CABLES2: variants seen among roughly 807,000 people sequenced by gnomAD.
CABLES2 encodes the protein CDK5 and ABL1 enzyme substrate 2.
CABLES2 carries 35 observed loss-of-function variants against 44.8 expected under a neutral mutation model. That is an observed-to-expected ratio of 0.78 (90% CI 0.60 to 1.04). CABLES2 has a LOEUF of 1.04. Among genes scored for constraint, CABLES2 ranks in the 50% least tolerant of loss-of-function variants. CABLES2 has a pLI of 0.00. For missense variants in CABLES2, 566 were observed against 615.7 expected (o/e 0.92, Z 0.85); for synonymous variants, 282 against 281.1 (o/e 1.00, Z -0.03).
In CABLES2 at chr20:62,391,406, G is replaced by A. The variant is rs766614146; in HGVS notation, c.1139C>T (p.Pro380Leu). 6.2e-7 allele frequency: 1 copy of A among 1,613,334 alleles called. No homozygotes were observed. The highest frequency in any genetic ancestry group is 1.7e-5 in the Admixed American group (1 of 60,026). The change falls in exon 9 of 10, where the codon CCC becomes CTC. Residue 380 changes from proline (P) to leucine (L), a missense_variant. Transcript: ENST00000279101. This position sits in a 1 kb window ranked among gnomAD's most constrained non-coding sequence, Gnocchi z 5.7. ...RSLSEECSLE[P>L]VTVAMAYVYF... Reference sequence around the variant, plus strand: ...CACGTAGGCCATGGCCACCGTCACGGGCTCCAGGCTGCACTCCTCCGACAG... The same window carrying A: ...CACGTAGGCCATGGCCACCGTCACGAGCTCCAGGCTGCACTCCTCCGACAG...
intron 1 of CABLES2, chr20:62,405,076 C>A (rs941870598): frequency 1.3e-5 from 2 of 152,426 alleles, no homozygotes; most frequent in Non-Finnish European, 2.9e-5. Flanking sequence ...CTGGTGCACA[C>A]AGGGGTGCAT....
At chr20:62,392,865 G>A (rs1277156595) in intron 7 of CABLES2, 55 bp downstream of exon 7, 47 of 1,516,888 alleles carry the variant, frequency 3.1e-5, no homozygotes, top group East Asian at 4.5e-5. Context: ...CACACGCCCC[G>A]AGCCAGGACA....
chr20:62,393,298 C>G lies in CABLES2; in HGVS notation c.880+142G>C, dbSNP rs1601472070. The G allele has an allele frequency of 4.0e-6, 4 of 999,632 alleles. No homozygotes were observed. The East Asian group carries it at 9.7e-5, about 24-fold the overall frequency. 61.9% of individuals were successfully genotyped at this position (999,632 alleles called of 1,614,324 possible). On this transcript the variant is annotated intron_variant, in intron 6 of 9. Coordinates refer to ENST00000279101, the MANE Select transcript of CABLES2 (RefSeq NM_031215.3). ...AGCGATTCAGTGTGGAGCTGTTCCT[C>G]TCCTGACCCTGTTCCCCAGGCTCCA...
chr20:62,391,377 A>C lies in CABLES2; in HGVS notation c.1168T>G (p.Phe390Val). The change falls in exon 9 of 10, where the codon TTT becomes GTT. Residue 390 changes from phenylalanine to valine, a missense_variant. Around this residue, in one of 2 missense-constraint regions of CABLES2, gnomAD observed 436 missense variants for 536.3 expected, o/e 0.81. Coordinates refer to ENST00000279101, the MANE Select transcript of CABLES2 (RefSeq NM_031215.3). The surrounding 1 kb of genome is among the most constrained non-coding windows in gnomAD (Gnocchi z 5.7). Reference sequence around the variant, plus strand: ...TTGCCCTGCAGGACCAGCTTCTCAAAGTACACGTAGGCCATGGCCACCGTC... The same window carrying C: ...TTGCCCTGCAGGACCAGCTTCTCAACGTACACGTAGGCCATGGCCACCGTC... Reference protein sequence around the residue: ...PVTVAMAYVYFEKLVLQGKLS... With the variant: ...PVTVAMAYVYVEKLVLQGKLS... The C allele has an allele frequency of 6.2e-7, 1 of 1,613,464 alleles. No individual in the cohort carries two copies. Among genetic ancestry groups the C allele is most frequent in the Admixed American group, 1.7e-5 (1 of 60,030 alleles).
intron 6 of CABLES2, 64 bp downstream of exon 6, chr20:62,393,376 C>A (rs1459090995): frequency 6.7e-7 from 1 of 1,496,410 alleles, no homozygotes; most frequent in Non-Finnish European, 9.0e-7. Context: ...GCTGCAGTCC[C>A]TGGGCCGTGG....
chr20:62,397,927 T>TGGTGGTGGTGATGGC (rs146308567), intron 1 of CABLES2, among the ~76,000 whole-genome samples: 36,706 of 99,770 alleles, frequency 0.37, 8,064 homozygotes, highest in East Asian at 0.82. Context: ...GTGGTGATGG[T>TGGTGGTGGTGATGGC]GGTGGTGGTG....
At position 62,391,337 on chromosome 20, in the gene CABLES2, TTC is replaced by T; in HGVS notation, c.1206_1207del (p.Asn403ProfsTer18). On this transcript the variant is annotated frameshift_variant, in exon 9 of 10. Coordinates refer to ENST00000279101, the MANE Select transcript of CABLES2 (RefSeq NM_031215.3). LOFTEE classifies it high-confidence loss of function. This position sits in a 1 kb window ranked among gnomAD's most constrained non-coding sequence, Gnocchi z 5.7. ...GCAGGCGCCAGCGCACAGCTTGCGG[TTC>T]TGTTTGCTGAGCTTGCCCTGCAGGA... 6.2e-7 allele frequency: 1 copy of T among 1,613,382 alleles called. No individual in the cohort carries two copies. Among genetic ancestry groups the T allele is most frequent in the Non-Finnish European group, 8.5e-7 (1 of 1,180,022 alleles).
intron 1 of CABLES2, among the ~76,000 whole-genome samples, chr20:62,399,529 G>A (rs2146426542): frequency 6.7e-6 from 1 of 148,884 alleles, no homozygotes; most frequent in Non-Finnish European, 1.5e-5. Flanking sequence ...TTACAGGCGT[G>A]AGCCACCACG....
At chr20:62,397,791 T>C (rs1388870529) in intron 1 of CABLES2, among the ~76,000 whole-genome samples, 1 of 151,666 alleles carries the variant, frequency 6.6e-6, no homozygotes, top group Non-Finnish European at 1.5e-5. Flanking sequence ...ACCACTCCAA[T>C]TGCGATGACA....
intron 1 of CABLES2, among the ~76,000 whole-genome samples, chr20:62,398,956 T>C (rs1988137081): frequency 6.6e-6 from 1 of 152,262 alleles, no homozygotes; most frequent in Non-Finnish European, 1.5e-5. Context: ...GTCATTTTTT[T>C]CTTTTTTTGA....
At position 62,394,830 on chromosome 20, in the gene CABLES2, G is replaced by T. The variant is rs2427309; in HGVS notation, c.605+107C>A. ...GCCTCGCATGAGCCCGGGGGCAGCCGCACCTGGGGGCGCAGTGCCCGCTGA... is the reference window on the plus strand; with the variant it reads ...GCCTCGCATGAGCCCGGGGGCAGCCTCACCTGGGGGCGCAGTGCCCGCTGA... On this transcript the variant is annotated intron_variant, in intron 4 of 9. Transcript: ENST00000279101. The T allele has an allele frequency of 0.56, 552,329 of 979,408 alleles. 164,602 individuals carry two copies. Among genetic ancestry groups the T allele is most frequent in the African/African-American group, 0.92 (55,754 of 60,820 alleles). 60.7% of individuals were successfully genotyped at this position (979,408 alleles called of 1,614,324 possible).
intron 1 of CABLES2, among the ~76,000 whole-genome samples, chr20:62,397,971 ACAGTGGTGATGGCGGTGG>A (rs1988061981): frequency 3.3e-5 from 2 of 60,126 alleles, no homozygotes; most frequent in South Asian, 1.4e-3. Flanking sequence ...GATGGTGGTG[ACAGTGGTGATGGCGGTGG>A]TGGTGATGAT....
In CABLES2 at chr20:62,396,420, G is replaced by T; in HGVS notation, c.435-13C>A. On this transcript the variant is annotated splice_polypyrimidine_tract_variant and intron_variant, in intron 2 of 9. Transcript: ENST00000279101. The surrounding 1 kb of genome is among the most constrained non-coding windows in gnomAD (Gnocchi z 5.7). Reference sequence around the variant, plus strand: ...TGTGTGTTTGGTTCTGCAAGGCAAAGGACACAGGTCACTCTTTTCCTCCCA... The same window carrying T: ...TGTGTGTTTGGTTCTGCAAGGCAAATGACACAGGTCACTCTTTTCCTCCCA... 6.2e-7 allele frequency: 1 copy of T among 1,613,876 alleles called. No individual in the cohort carries two copies.
At chr20:62,392,534 C>T in intron 7 of CABLES2, 39 bp from the exon 8 acceptor site, 1 of 1,429,736 alleles carries the variant, frequency 7.0e-7, no homozygotes, top group Non-Finnish European at 9.9e-7. Flanking sequence ...CGGCCCCTCG[C>T]ACAGTCCATG....
intron 1 of CABLES2, among the ~76,000 whole-genome samples, chr20:62,397,075 C>T (rs570388155): frequency 2.2e-4 from 34 of 152,310 alleles, no homozygotes; most frequent in Non-Finnish European, 2.4e-4. Flanking sequence ...GCTCTCAGGC[C>T]ACCTTCCCCT....
chr20:62,396,466 G>C lies in CABLES2; in HGVS notation c.434+55C>G. ...TCCCAGGACCCTCTGGCCCCGCAGG[G>C]GTCAGTGGCAGCCCGAGCGGAGTCG... On this transcript the variant is annotated intron_variant, in intron 2 of 9. Transcript: ENST00000279101. This position sits in a 1 kb window ranked among gnomAD's most constrained non-coding sequence, Gnocchi z 5.7. 6.2e-7 allele frequency: 1 copy of C among 1,613,108 alleles called. No individual in the cohort carries two copies. Among genetic ancestry groups the C allele is most frequent in the Non-Finnish European group, 8.5e-7 (1 of 1,179,190 alleles).
At chr20:62,400,292 G>A (rs1027392960) in intron 1 of CABLES2, among the ~76,000 whole-genome samples, 5 of 152,164 alleles carry the variant, frequency 3.3e-5, no homozygotes, top group African/African-American at 9.7e-5. Context: ...GAGGAGCTAA[G>A]GGGCTGGGGT....
chr20:62,397,569 C>T (rs917129069), intron 1 of CABLES2, among the ~76,000 whole-genome samples: 12 of 152,200 alleles, frequency 7.9e-5, no homozygotes, highest in African/African-American at 2.7e-4. Flanking sequence ...CATCCTGATG[C>T]GGAGACATGA....
In CABLES2 at chr20:62,392,768, G is replaced by A. The variant is rs1049756801; in HGVS notation, c.984+152C>T. ...AGTGGCCAGCACTGCTCCCTGGCCT[G>A]CCCTGCACACCGCCACTGTCTGTGC... On this transcript the variant is annotated intron_variant, in intron 7 of 9. Transcript: ENST00000279101. 10 of 748,380 alleles carry A rather than the reference G, an allele frequency of 1.3e-5. No individual in the cohort carries two copies. In the African/African-American group the frequency reaches 1.7e-4, roughly 13 times the overall value. 46.4% of individuals were successfully genotyped at this position (748,380 alleles called of 1,614,324 possible). A position where few individuals can be genotyped will look rare whatever the true frequency, so the allele number is the denominator to read the frequency against.
Sources: gnomAD v4.1 joint callset for allele counts (sites outside exome capture counted in the v4.1 genomes callset) on GRCh38, gnomAD v4.1.1 for gene constraint, gnomAD v4.1.1 regional missense constraint, Gnocchi (gnomAD v3.1) non-coding constraint, MANE v1.5 for transcripts, NCBI Gene and HGNC (gene_info 2026-07-23, HGNC 2026-07-21) for gene names.